The following NXPH1 variants were observed in gnomAD, a reference collection of about 807,000 sequenced individuals.
NXPH1 encodes neurexophilin-1.
A neutral mutation model predicts 23.7 loss-of-function variants in NXPH1; 5 were observed. That is an observed-to-expected ratio of 0.21 (90% CI 0.11 to 0.44). NXPH1 has a LOEUF of 0.44. NXPH1 is among the 20% of genes least tolerant of loss of function. NXPH1 has a pLI of 0.99. For missense variants in NXPH1, 324 were observed against 321.6 expected, an observed-to-expected ratio of 1.01 and a Z score of -0.06; for synonymous variants, 144 against 122.2, an observed-to-expected ratio of 1.18 and a Z score of -1.18.
rs115862648 is a variant in NXPH1 at position 8,508,891 on chromosome 7, T to G, written c.54+73124T>G. On this transcript the variant is annotated intron_variant, in intron 2 of 2. Coordinates refer to ENST00000405863, the MANE Select transcript of NXPH1 (RefSeq NM_152745.3). ...CTATTAATTTTATGCCTATGGTCAT[T>G]TGGGGAGGCGGGCACATTAGAGGAA... Among the ~76,000 whole-genome samples, 265 of 152,142 alleles carry G rather than the reference T, an allele frequency of 1.7e-3. 1 individual carries two copies. Among genetic ancestry groups the G allele is most frequent in the African/African-American group, 5.8e-3 (241 of 41,536 alleles).
chr7:8,568,700 G>A (rs1266575272), intron 2 of NXPH1, among the ~76,000 whole-genome samples: 1 of 151,306 alleles, frequency 6.6e-6, no homozygotes, highest in Non-Finnish European at 1.5e-5. Flanking sequence ...TATTGAATCA[G>A]TGCCAAAATG....
chr7:8,579,206 A>G (rs1818815834), intron 2 of NXPH1, among the ~76,000 whole-genome samples: 1 of 152,184 alleles, frequency 6.6e-6, no homozygotes. Flanking sequence ...TATCCTTGAC[A>G]GATAGAGAGC....
At chr7:8,745,164 G>C (rs1780445563) in intron 2 of NXPH1, among the ~76,000 whole-genome samples, 1 of 152,132 alleles carries the variant, frequency 6.6e-6, no homozygotes, top group African/African-American at 2.4e-5. Context: ...ATGCTCCCTG[G>C]CGTTCAGCAG....
rs535673111 is a variant in NXPH1 at position 8,442,182 on chromosome 7, G to A, written c.54+6415G>A. Among the ~76,000 whole-genome samples, 19 of 152,294 alleles carry A rather than the reference G, an allele frequency of 1.2e-4. No homozygotes were observed. The highest frequency in any genetic ancestry group is 4.6e-4 in the African/African-American group (19 of 41,554). ...TGAGGGTATTTTACTCGTTCAAGCCGGAAATACGATGGGGAGGGGGAGACA... is the reference window on the plus strand; with the variant it reads ...TGAGGGTATTTTACTCGTTCAAGCCAGAAATACGATGGGGAGGGGGAGACA... On this transcript the variant is annotated intron_variant, in intron 2 of 2. Transcript: ENST00000405863. This position sits in a 1 kb window ranked among gnomAD's most constrained non-coding sequence, Gnocchi z 4.6.
chr7:8,456,370 C>G (rs1816593349), intron 2 of NXPH1, among the ~76,000 whole-genome samples: 1 of 152,142 alleles, frequency 6.6e-6, no homozygotes, highest in African/African-American at 2.4e-5. Flanking sequence ...TTTCTTGATT[C>G]TAATGTTACA....
intron 2 of NXPH1, among the ~76,000 whole-genome samples, chr7:8,563,441 G>A (rs990038996): frequency 1.3e-5 from 2 of 151,610 alleles, no homozygotes; most frequent in Admixed American, 6.6e-5. Flanking sequence ...CAACAAAATT[G>A]GTGTATTCCA....
intron 2 of NXPH1, among the ~76,000 whole-genome samples, chr7:8,638,165 C>G (rs559042177): frequency 6.6e-6 from 1 of 152,144 alleles, no homozygotes; most frequent in South Asian, 2.1e-4. Flanking sequence ...CAAACAAACA[C>G]GAGCTAGGAA....
At chr7:8,538,707 C>G (rs1246324736) in intron 2 of NXPH1, among the ~76,000 whole-genome samples, 1 of 151,906 alleles carries the variant, frequency 6.6e-6, no homozygotes, top group African/African-American at 2.4e-5. Flanking sequence ...TACACGTACT[C>G]TTGAAAGAAG....
intron 2 of NXPH1, among the ~76,000 whole-genome samples, chr7:8,486,943 G>A (rs539770332): frequency 3.1e-4 from 47 of 152,058 alleles, no homozygotes; most frequent in Admixed American, 3.9e-4. Flanking sequence ...GCCCTTGTAA[G>A]TAATAATTTA....
intron 2 of NXPH1, among the ~76,000 whole-genome samples, chr7:8,721,061 A>G (rs888178053): frequency 1.3e-5 from 2 of 152,208 alleles, no homozygotes; most frequent in African/African-American, 4.8e-5. Flanking sequence ...CATTAGAATA[A>G]TGGCAATAGG....
At chr7:8,466,386 C>G (rs1436581217) in intron 2 of NXPH1, among the ~76,000 whole-genome samples, 1 of 152,100 alleles carries the variant, frequency 6.6e-6, no homozygotes, top group Non-Finnish European at 1.5e-5. Context: ...ATTAGGTCAG[C>G]AGAACCAGTG....
chr7:8,738,774 A>G (rs1287188330), intron 2 of NXPH1, among the ~76,000 whole-genome samples: 1 of 152,148 alleles, frequency 6.6e-6, no homozygotes, highest in Non-Finnish European at 1.5e-5. Flanking sequence ...AGTTTTATCT[A>G]TAAGCCCCTG....
intron 2 of NXPH1, among the ~76,000 whole-genome samples, chr7:8,500,835 G>T (rs917606445): frequency 6.6e-6 from 1 of 151,958 alleles, no homozygotes; most frequent in African/African-American, 2.4e-5. Context: ...TTCTCAGTTG[G>T]TCCTCCCATT....
rs75511455 is a variant in NXPH1, at chr7:8,704,584, G to A, written c.55-46424G>A. ...CTACAGGGGCAAGGTAATTCCAAGT[G>A]GTAATGCCTAGCCTTTAGAATTAAG... On this transcript the variant is annotated intron_variant, in intron 2 of 2. Coordinates refer to ENST00000405863, the MANE Select transcript of NXPH1 (RefSeq NM_152745.3). Among the ~76,000 whole-genome samples, 1,186 of 152,180 alleles carry A rather than the reference G, an allele frequency of 7.8e-3. 23 individuals are homozygous for A. The highest frequency in any genetic ancestry group is 0.063 in the East Asian group (326 of 5,166).
chr7:8,700,893 A>C (rs1307548036), intron 2 of NXPH1, among the ~76,000 whole-genome samples: 4 of 152,118 alleles, frequency 2.6e-5, no homozygotes, highest in African/African-American at 4.8e-5. Flanking sequence ...TAAAGTGAGA[A>C]TATTTTTATA....
At chr7:8,604,014 A>T (rs976545087) in intron 2 of NXPH1, among the ~76,000 whole-genome samples, 1 of 152,130 alleles carries the variant, frequency 6.6e-6, no homozygotes, top group Non-Finnish European at 1.5e-5. Context: ...GGACAAATGC[A>T]ATGAAGATAG....
At chr7:8,573,818 C>T (rs1818698644) in intron 2 of NXPH1, among the ~76,000 whole-genome samples, 1 of 152,140 alleles carries the variant, frequency 6.6e-6, no homozygotes, top group Non-Finnish European at 1.5e-5. Flanking sequence ...TGGAAATAAA[C>T]TATGCCATTG....
chr7:8,481,070 A>G lies in NXPH1; in HGVS notation c.54+45303A>G, dbSNP rs558250127. Among the ~76,000 whole-genome samples the G allele has an allele frequency of 2.2e-4, 33 of 152,326 alleles. No homozygotes were observed. In the East Asian group the frequency reaches 6.4e-3, roughly 29 times the overall value. On this transcript the variant is annotated intron_variant, in intron 2 of 2. Coordinates refer to ENST00000405863, the MANE Select transcript of NXPH1 (RefSeq NM_152745.3). ...TGTACTATATTGTGTTCAATGTCTGATGAACCACAGCAGCCTCTTTTGTGG... is the reference window on the plus strand; with the variant it reads ...TGTACTATATTGTGTTCAATGTCTGGTGAACCACAGCAGCCTCTTTTGTGG...
At chr7:8,466,296 C>A (rs149365404) in intron 2 of NXPH1, among the ~76,000 whole-genome samples, 3 of 152,126 alleles carry the variant, frequency 2.0e-5, no homozygotes, top group Non-Finnish European at 2.9e-5. Flanking sequence ...TTAAATACAA[C>A]GCTAGTCTGT....
Sources: gnomAD v4.1 joint callset for allele counts (sites outside exome capture counted in the v4.1 genomes callset) on GRCh38, gnomAD v4.1.1 for gene constraint, Gnocchi (gnomAD v3.1) non-coding constraint, MANE v1.5 for transcripts, NCBI Gene and HGNC (gene_info 2026-07-23, HGNC 2026-07-21) for gene names.